Variants in NAALADL2 observed in about 807,000 individuals in gnomAD.
The protein encoded by NAALADL2 is N-acetylated alpha-linked acidic dipeptidase like 2.
In NAALADL2, 76 loss-of-function variants were observed where a neutral mutation model predicts 87.2. That is an observed-to-expected ratio of 0.87 (90% CI 0.72 to 1.05). The LOEUF (loss-of-function observed/expected upper bound fraction) is 1.05. Ranked by LOEUF, NAALADL2 falls within the 50% of genes least tolerant of loss-of-function variation. The pLI is 0.00. For missense variants in NAALADL2, 1,089 were observed against 945.8 expected (o/e 1.15, Z -1.99); for synonymous variants, 354 against 331.0 (o/e 1.07, Z -0.75).
chr3:174,718,627 A>G (rs1012953413), intron 2 of NAALADL2, among the ~76,000 whole-genome samples: 2 of 152,202 alleles, frequency 1.3e-5, no homozygotes, highest in Non-Finnish European at 2.9e-5. Context: ...TAACAAGATA[A>G]GGAAACTGAG....
At chr3:175,587,644 T>A (rs1720727095) in intron 10 of NAALADL2, among the ~76,000 whole-genome samples, 1 of 152,194 alleles carries the variant, frequency 6.6e-6, no homozygotes, top group Admixed American at 6.5e-5. Context: ...TAAAATTTAA[T>A]GTTCTTAGAC....
At chr3:175,665,497 T>A (rs1732837790) in intron 11 of NAALADL2, among the ~76,000 whole-genome samples, 3 of 152,276 alleles carry the variant, frequency 2.0e-5, no homozygotes, top group Admixed American at 1.3e-4. Context: ...CAAATATAAA[T>A]CTCTGTATTG....
chr3:174,761,309 A>G (rs1478625890), intron 3 of NAALADL2, among the ~76,000 whole-genome samples: 1 of 152,218 alleles, frequency 6.6e-6, no homozygotes, highest in Non-Finnish European at 1.5e-5. Context: ...CTTCACATAG[A>G]TGATAATTAA....
chr3:175,405,957 G>T (rs1463992778), intron 5 of NAALADL2, among the ~76,000 whole-genome samples: 1 of 152,120 alleles, frequency 6.6e-6, no homozygotes, highest in Non-Finnish European at 1.5e-5. Context: ...TGGAGCACCG[G>T]CTAAGGTCCA....
At chr3:175,632,537 T>G (rs1261386381) in intron 11 of NAALADL2, among the ~76,000 whole-genome samples, 3 of 151,940 alleles carry the variant, frequency 2.0e-5, no homozygotes, top group Admixed American at 2.0e-4. Flanking sequence ...AAAATAATTA[T>G]ACGTATTTTG....
chr3:175,667,248 AGAAAGAAAGAAAGAAAGGAAGG>A (rs1733299564), intron 11 of NAALADL2, among the ~76,000 whole-genome samples: 1 of 138,540 alleles, frequency 7.2e-6, no homozygotes, highest in African/African-American at 3.1e-5. Context: ...AGAAAAAGAA[AGAAAGAAAGAAAGAAAGGAAGG>A]AAGGGATGGG....
chr3:174,988,789 C>T (rs1746323229), intron 1 of NAALADL2, among the ~76,000 whole-genome samples: 3 of 152,170 alleles, frequency 2.0e-5, no homozygotes, highest in Admixed American at 2.0e-4. Flanking sequence ...GACCTTTTTG[C>T]AGTATGACCT....
Position 174,894,193 on chromosome 3 carries a change from G to C in NAALADL2, c.43+34743G>C, listed in dbSNP as rs544613145. Among the ~76,000 whole-genome samples the C allele has an allele frequency of 6.9e-4, 105 of 152,154 alleles. 5 individuals are homozygous for C. Among genetic ancestry groups the C allele is most frequent in the Non-Finnish European group, 7.4e-5 (5 of 68,008 alleles). The stretch of plus-strand genomic sequence containing the variant: ...TATGCACCCAATATGGGAGCACCCA[G>C]ATATATAAAGTAAATATTAATAGAG... On this transcript the variant is annotated intron_variant, in intron 1 of 13. Coordinates refer to ENST00000454872, the MANE Select transcript of NAALADL2 (RefSeq NM_207015.3).
At chr3:175,128,299 T>TAAGGTA (rs1417603900) in intron 2 of NAALADL2, among the ~76,000 whole-genome samples, 2 of 152,168 alleles carry the variant, frequency 1.3e-5, no homozygotes, top group Non-Finnish European at 2.9e-5. Flanking sequence ...AAGAAAAATG[T>TAAGGTA]AAGGTAAAGG....
chr3:175,478,711 T>C (rs1726052201), intron 9 of NAALADL2, among the ~76,000 whole-genome samples: 1 of 151,944 alleles, frequency 6.6e-6, no homozygotes, highest in Non-Finnish European at 1.5e-5. Context: ...ATTGGTACAC[T>C]GGACACAGGC....
chr3:175,164,172 C>CA (rs1423247928), intron 2 of NAALADL2, among the ~76,000 whole-genome samples: 1 of 151,178 alleles, frequency 6.6e-6, no homozygotes, highest in East Asian at 1.9e-4. Flanking sequence ...TAAATGCATG[C>CA]ACATTAAAGA....
intron 5 of NAALADL2, among the ~76,000 whole-genome samples, chr3:175,398,383 C>T (rs1345947286): frequency 3.5e-5 from 5 of 144,152 alleles, no homozygotes; most frequent in Admixed American, 7.0e-5. Flanking sequence ...TTTGCAAGCA[C>T]GGATTGCCCC....
rs765165480 is a variant in NAALADL2, at chr3:175,096,952, C to T, written c.206C>T (p.Ala69Val). The T allele has an allele frequency of 6.2e-7, 1 of 1,613,232 alleles. No homozygotes were observed. Among genetic ancestry groups the T allele is most frequent in the African/African-American group, 1.3e-5 (1 of 74,922 alleles). Residue 69 changes from alanine (A) to valine (V), a missense_variant, in exon 2 of 14, where the codon GCT (alanine) becomes GTT (valine). Ala to Val is a moderately conservative substitution (Grantham distance 64). Transcript: ENST00000454872. ...SGFDQFQLDG[A>V]ENQNLGHSET... Reference sequence around the variant, plus strand: ...TTTGACCAATTCCAGCTAGACGGTGCTGAGAATCAGAACCTAGGGCATTCA... The same window carrying T: ...TTTGACCAATTCCAGCTAGACGGTGTTGAGAATCAGAACCTAGGGCATTCA...
intron 1 of NAALADL2, among the ~76,000 whole-genome samples, chr3:175,017,374 A>G (rs1213650846): frequency 1.3e-5 from 2 of 152,068 alleles, no homozygotes; most frequent in African/African-American, 4.8e-5. Flanking sequence ...GTGGATGGAG[A>G]TAATTTGCTG....
intron 2 of NAALADL2, among the ~76,000 whole-genome samples, chr3:174,602,744 A>G (rs1718583004): frequency 1.3e-5 from 2 of 151,948 alleles, no homozygotes; most frequent in South Asian, 4.1e-4. Flanking sequence ...CTCATTTAGT[A>G]TGATATTAGC....
chr3:174,800,878 T>C (rs1264961314), intron 3 of NAALADL2, among the ~76,000 whole-genome samples: 2 of 152,208 alleles, frequency 1.3e-5, no homozygotes, highest in Non-Finnish European at 2.9e-5. Flanking sequence ...AAGATTTGAC[T>C]ACCCTGCTGG....
In NAALADL2 at chr3:175,071,136, A is replaced by T. The variant is rs1214325350; in HGVS notation, c.44-25654A>T. Among the ~76,000 whole-genome samples, 86 of 152,218 alleles carry T rather than the reference A, an allele frequency of 5.6e-4. 1 individual carries two copies. The highest frequency in any genetic ancestry group is 1.9e-3 in the African/African-American group (81 of 41,562). On this transcript the variant is annotated intron_variant, in intron 1 of 13. Coordinates refer to ENST00000454872, the MANE Select transcript of NAALADL2 (RefSeq NM_207015.3). ...TTAGTGCACTGCAGGGGCAAGCACAAACACTGACTCACTTTCTAGGTAAGT... is the reference window on the plus strand; with the variant it reads ...TTAGTGCACTGCAGGGGCAAGCACATACACTGACTCACTTTCTAGGTAAGT...
At chr3:175,227,530 A>G (rs1166062684) in intron 2 of NAALADL2, among the ~76,000 whole-genome samples, 2 of 152,018 alleles carry the variant, frequency 1.3e-5, no homozygotes, top group African/African-American at 2.4e-5. Flanking sequence ...AATTTCTCTG[A>G]AATTAGTAAA....
At chr3:174,644,183 AT>A (rs1283624774) in intron 2 of NAALADL2, among the ~76,000 whole-genome samples, 1 of 152,210 alleles carries the variant, frequency 6.6e-6, no homozygotes, top group African/African-American at 2.4e-5. Context: ...AGGATGCAAG[AT>A]TTCTGCTTTC....
Sources: allele counts gnomAD v4.1 joint callset (sites outside exome capture counted in the v4.1 genomes callset), GRCh38; gene constraint gnomAD v4.1.1; transcripts MANE v1.5; gene names NCBI Gene and HGNC (gene_info 2026-07-23, HGNC 2026-07-21).